SDF4: variants seen among roughly 807,000 people sequenced by gnomAD.
SDF4 encodes the protein 45 kDa calcium-binding protein.
In SDF4, 22 loss-of-function variants were observed where a neutral mutation model predicts 34.2. That is an observed-to-expected ratio of 0.64 (90% CI 0.46 to 0.92). The LOEUF is 0.92. SDF4 is among the 40% of genes least tolerant of loss of function. The pLI, the probability that SDF4 is intolerant of heterozygous loss-of-function variation, is 0.00. For synonymous variants in SDF4, 236 were observed against 203.1 expected (o/e 1.16, Z -1.38); for missense variants, 447 against 499.9 (o/e 0.89, Z 1.01).
chr1:1,225,853 C>T (rs1253750367), intron 2 of SDF4, among the ~76,000 whole-genome samples: 5 of 152,332 alleles, frequency 3.3e-5, no homozygotes, highest in South Asian at 4.1e-4. Context: ...AACCACATGG[C>T]GCAGGATTCC....
intron 1 of SDF4, among the ~76,000 whole-genome samples, chr1:1,229,194 T>C (rs1638416092): frequency 6.6e-6 from 1 of 152,172 alleles, no homozygotes; most frequent in Non-Finnish European, 1.5e-5. Flanking sequence ...CGTGGTGTTT[T>C]TTTCTTTATT....
rs202017383 is a variant in SDF4 at position 1,218,672 on chromosome 1, G to T, written c.716-39C>A. 6.2e-7 allele frequency: 1 copy of T among 1,612,662 alleles called. No individual in the cohort carries two copies. The highest frequency in any genetic ancestry group is 1.3e-5 in the African/African-American group (1 of 75,034). On this transcript the variant is annotated intron_variant, in intron 5 of 6. Coordinates refer to ENST00000360001, the MANE Select transcript of SDF4 (RefSeq NM_016176.6). The surrounding 1 kb of genome is among the most constrained non-coding windows in gnomAD (Gnocchi z 7.9). ...ATGGGTCAGCCCACACCCAGGCTGG[G>T]GCTCCCGCAGGACCTGCCCCGACCT...
chr1:1,218,693 G>A lies in SDF4; in HGVS notation c.716-60C>T, dbSNP rs972871568. On this transcript the variant is annotated intron_variant, in intron 5 of 6. Coordinates refer to ENST00000360001, the MANE Select transcript of SDF4 (RefSeq NM_016176.6). This position sits in a 1 kb window ranked among gnomAD's most constrained non-coding sequence, Gnocchi z 7.9. ...CTGGGGCTCCCGCAGGACCTGCCCC[G>A]ACCTCCCGACGATGCCCGGCCCCTG... The A allele has an allele frequency of 1.9e-5, 30 of 1,611,430 alleles. No individual in the cohort carries two copies. The highest frequency in any genetic ancestry group is 6.7e-5 in the African/African-American group (5 of 74,868).
intron 2 of SDF4, among the ~76,000 whole-genome samples, chr1:1,224,832 G>A (rs1016063842): frequency 4.6e-5 from 7 of 152,156 alleles, no homozygotes; most frequent in African/African-American, 9.7e-5. Flanking sequence ...GAGGCCTCCC[G>A]AACCTGGAAT....
intron 4 of SDF4, chr1:1,220,884 G>T: frequency 1.6e-6 from 1 of 637,730 alleles, no homozygotes. Context: ...GGACAGCAGG[G>T]AACGCGGGAC....
chr1:1,227,604 G>A (rs577362961), intron 2 of SDF4, among the ~76,000 whole-genome samples: 1 of 152,326 alleles, frequency 6.6e-6, no homozygotes, highest in African/African-American at 2.4e-5. Context: ...TGGCCTGGGG[G>A]ACTCACGGGC....
rs940780572 is a variant in SDF4, at chr1:1,219,206, C to CT, written c.557-280_557-279insA. Reference sequence around the variant, plus strand: ...CGGACTCCCCAAGACAGCCTGGACCCCCCCCTGCCCCAGACCCCCAATACA... The same window carrying CT: ...CGGACTCCCCAAGACAGCCTGGACCCTCCCCCTGCCCCAGACCCCCAATACA... On this transcript the variant is annotated intron_variant, in intron 4 of 6. Transcript: ENST00000360001. 4.0e-6 allele frequency: 5 copies of CT among 1,258,080 alleles called. No homozygotes were observed. The African/African-American group carries it at 8.3e-5, about 21-fold the overall frequency. The allele number at this position is 1,258,080 out of a possible 1,614,324, so 77.9% of individuals were successfully genotyped here.
chr1:1,218,357 G>C lies in SDF4; in HGVS notation c.891+101C>G, dbSNP rs1234386256. ...CCAGCCCAGATGGAGTCTCAGGCCAGACACCAGCACAGCTTCCTGCCTCAG... is the reference window on the plus strand; with the variant it reads ...CCAGCCCAGATGGAGTCTCAGGCCACACACCAGCACAGCTTCCTGCCTCAG... On this transcript the variant is annotated intron_variant, in intron 6 of 6. Coordinates refer to ENST00000360001, the MANE Select transcript of SDF4 (RefSeq NM_016176.6). This position sits in a 1 kb window ranked among gnomAD's most constrained non-coding sequence, Gnocchi z 7.9. 7.6e-6 allele frequency: 10 copies of C among 1,318,124 alleles called. No homozygotes were observed. Among genetic ancestry groups the C allele is most frequent in the Non-Finnish European group, 1.0e-5 (10 of 965,890 alleles). The allele number at this position is 1,318,124 out of a possible 1,614,324, so 81.7% of individuals were successfully genotyped here.
intron 4 of SDF4, chr1:1,220,592 G>C: frequency 1.6e-6 from 2 of 1,287,136 alleles, no homozygotes; most frequent in South Asian, 1.2e-5. Flanking sequence ...GGACACGGGT[G>C]GGCAGGGAAC....
intron 1 of SDF4, 50 bp from the exon 2 acceptor site, chr1:1,228,996 C>G: frequency 1.7e-6 from 1 of 584,202 alleles, no homozygotes; most frequent in Non-Finnish European, 3.0e-6. Flanking sequence ...AAAGACTTCC[C>G]CAAGCACGTC....
At chr1:1,220,446 C>T (rs1649874254) in intron 4 of SDF4, 1 of 1,186,670 alleles carries the variant, frequency 8.4e-7, no homozygotes, top group African/African-American at 1.6e-5. Flanking sequence ...TGGGAGGTCG[C>T]AGGAGTGACG....
At chr1:1,219,279 G>T in intron 4 of SDF4, 1 of 1,165,952 alleles carries the variant, frequency 8.6e-7, no homozygotes, top group South Asian at 1.6e-5. Flanking sequence ...CCCAGGACAT[G>T]GCCTGGACCC....
chr1:1,222,782 C>T (rs1440611965), intron 4 of SDF4, among the ~76,000 whole-genome samples: 2 of 152,264 alleles, frequency 1.3e-5, no homozygotes, highest in Non-Finnish European at 2.9e-5. Flanking sequence ...AGGTCAGCAA[C>T]GGCTTCACCC....
chr1:1,231,851 GC>G (rs894681525), intron 1 of SDF4, 40 bp downstream of exon 1: 3 of 152,118 alleles, frequency 2.0e-5, no homozygotes, highest in African/African-American at 7.2e-5. Context: ...CGTACACTTG[GC>G]CCCGCGGCCT....
chr1:1,230,317 A>C lies in SDF4; in HGVS notation c.-174-1371T>G, dbSNP rs545038923. On this transcript the variant is annotated intron_variant, in intron 1 of 6. Coordinates refer to ENST00000360001, the MANE Select transcript of SDF4 (RefSeq NM_016176.6). ...GCTACCCTGGGTAATATTAAACGAA[A>C]AAATGCTGCCTCCAGGTATCGAGAA... 5.9e-5 allele frequency among the ~76,000 whole-genome samples: 9 copies of C among 152,322 alleles called. No homozygotes were observed. The South Asian group carries it at 6.2e-4, about 11-fold the overall frequency.
intron 3 of SDF4, among the ~76,000 whole-genome samples, 173 bp downstream of exon 3, chr1:1,223,659 T>C (rs1218835814): frequency 6.6e-6 from 1 of 152,204 alleles, no homozygotes; most frequent in Non-Finnish European, 1.5e-5. Context: ...ACCAGGATTC[T>C]GGCATCATGA....
intron 4 of SDF4, chr1:1,220,540 G>A (rs1047536971): frequency 1.2e-5 from 15 of 1,238,478 alleles, no homozygotes; most frequent in East Asian, 5.9e-5. Context: ...AAGAGGTCGG[G>A]GGGTCCTAGG....
At chr1:1,228,429 G>A (rs761998318) in intron 2 of SDF4, 39 bp downstream of exon 2, 12 of 1,493,030 alleles carry the variant, frequency 8.0e-6, no homozygotes, top group East Asian at 2.8e-5. Flanking sequence ...GCGAGCGCAC[G>A]CGGACAGCCC....
Position 1,218,666 on chromosome 1 carries a change from G to C in SDF4, c.716-33C>G, listed in dbSNP as rs570457892. ...ACGGGAATGGGTCAGCCCACACCCAGGCTGGGGCTCCCGCAGGACCTGCCC... is the reference window on the plus strand; with the variant it reads ...ACGGGAATGGGTCAGCCCACACCCACGCTGGGGCTCCCGCAGGACCTGCCC... On this transcript the variant is annotated intron_variant, in intron 5 of 6. Transcript: ENST00000360001. This position sits in a 1 kb window ranked among gnomAD's most constrained non-coding sequence, Gnocchi z 7.9. The C allele has an allele frequency of 9.3e-6, 15 of 1,612,944 alleles. No individual in the cohort carries two copies. In the African/African-American group the frequency reaches 1.9e-4, roughly 20 times the overall value.
Sources: allele counts gnomAD v4.1 joint callset (sites outside exome capture counted in the v4.1 genomes callset), GRCh38; gene constraint gnomAD v4.1.1; non-coding constraint Gnocchi (gnomAD v3.1); transcripts MANE v1.5; gene names NCBI Gene and HGNC (gene_info 2026-07-23, HGNC 2026-07-21).